Variants in ANO7 observed in about 807,000 individuals in gnomAD.
ANO7 encodes the protein anoctamin-7.
Under a neutral mutation model 115.8 loss-of-function variants are expected in ANO7, and 114 were observed. The ratio of observed to expected loss-of-function variants is 0.98; its 90% CI spans 0.85 to 1.15. The LOEUF (loss-of-function observed/expected upper bound fraction) is 1.15, where lower values mean the gene tolerates loss of function less well. Ranked by LOEUF, ANO7 falls within the 50% of genes most tolerant of loss-of-function variation. ANO7 has a pLI of 0.00. For synonymous variants in ANO7, 550 were observed against 498.2 expected (o/e 1.10, Z -1.38); for missense variants, 1,302 against 1,201.2 (o/e 1.08, Z -1.24).
intron 3 of ANO7, among the ~76,000 whole-genome samples, chr2:241,193,399 C>T (rs1360329973): frequency 6.6e-6 from 1 of 152,008 alleles, no homozygotes; most frequent in Non-Finnish European, 1.5e-5. Context: ...GTAGACAGCC[C>T]TTATTTTCTC....
the ANO7 span, chr2:241,240,180 G>GAAGAC: frequency 6.5e-7 from 1 of 1,529,462 alleles, no homozygotes; most frequent in East Asian, 2.2e-5. The surrounding 1 kb of genome is among the most constrained non-coding windows in gnomAD (Gnocchi z 5.5). Context: ...CCACAGTGAG[G>GAAGAC]AAGACAAGAG....
chr2:241,236,897 G>GAAGGACAGGAGTGGT, the ANO7 span: 2 of 861,882 alleles, frequency 2.3e-6, no homozygotes, highest in Non-Finnish European at 3.6e-6. Context: ...AACCACTCCT[G>GAAGGACAGGAGTGGT]TCCTTCAGGA....
Position 241,201,336 on chromosome 2 carries a change from G to A in ANO7, c.593G>A (p.Ser198Asn), listed in dbSNP as rs2068466994. 1 of 1,612,732 alleles carries A rather than the reference G, an allele frequency of 6.2e-7. No individual in the cohort carries two copies. Among genetic ancestry groups the A allele is most frequent in the African/African-American group, 1.3e-5 (1 of 75,002 alleles). ...GACAACCAGGACACCTTCTTCACAA[G>A]CACCAAGAGGCACCAAATTGTGAGT... is the stretch of plus-strand genomic sequence containing the variant. ...GSDNQDTFFT[S>N]TKRHQILFEI... Residue 198 changes from serine to asparagine, a missense_variant, in exon 7 of 25, where the codon AGC becomes AAC. Coordinates refer to ENST00000674324, the MANE Select transcript of ANO7 (RefSeq NM_001370694.2).
In ANO7 at chr2:241,188,946, G is replaced by C. The variant is rs898935651; in HGVS notation, c.-8+180G>C. Among the ~76,000 whole-genome samples the C allele has an allele frequency of 1.3e-5, 2 of 152,240 alleles. No homozygotes were observed. The highest frequency in any genetic ancestry group is 2.9e-5 in the Non-Finnish European group (2 of 68,032). Reference sequence around the variant, plus strand: ...GGGCACGAGGAGGGACACACACTCAGTGCGGCTCTGGACGGGGTACACCCA... The same window carrying C: ...GGGCACGAGGAGGGACACACACTCACTGCGGCTCTGGACGGGGTACACCCA... On this transcript the variant is annotated intron_variant, in intron 1 of 24. Coordinates refer to ENST00000674324, the MANE Select transcript of ANO7 (RefSeq NM_001370694.2). The surrounding 1 kb of genome is among the most constrained non-coding windows in gnomAD (Gnocchi z 4.3).
rs758369137 is a variant in ANO7, at chr2:241,209,389, G to A, written c.1182G>A (p.Leu394=). 4.4e-6 allele frequency: 7 copies of A among 1,584,056 alleles called. No homozygotes were observed. Among genetic ancestry groups the A allele is most frequent in the Non-Finnish European group, 2.6e-6 (3 of 1,165,744 alleles). The change falls in exon 12 of 25, where the codon CTG becomes CTA. Residue 394 remains leucine (L), a synonymous_variant. Transcript: ENST00000674324. ...ACTGGAAGCGGAAGAGCGCCACGCTGGCCTACCGCTGGGACTGCTCTGACT... is the reference window on the plus strand; with the variant it reads ...ACTGGAAGCGGAAGAGCGCCACGCTAGCCTACCGCTGGGACTGCTCTGACT... The part of the protein sequence containing the change: ...LEYWKRKSAT[L]AYRWDCSDYE...
intron 19 of ANO7, among the ~76,000 whole-genome samples, chr2:241,217,235 G>A (rs1296471177): frequency 6.6e-6 from 1 of 152,212 alleles, no homozygotes; most frequent in African/African-American, 2.4e-5. Context: ...AGTTCCCAGG[G>A]CGAGGAGTGG....
chr2:241,194,155 G>A (rs1336778179), intron 3 of ANO7, among the ~76,000 whole-genome samples: 13 of 150,164 alleles, frequency 8.7e-5, no homozygotes, highest in Admixed American at 8.0e-4. Context: ...GATTACAGGC[G>A]TGAGCCACCG....
intron 1 of ANO7, among the ~76,000 whole-genome samples, chr2:241,189,174 T>G (rs2068128218): frequency 6.6e-6 from 1 of 151,468 alleles, no homozygotes; most frequent in African/African-American, 2.4e-5. Context: ...CAGTCCGTAG[T>G]GAGGCTCCCA....
chr2:241,236,782 G>A, the ANO7 span: 4 of 1,613,086 alleles, frequency 2.5e-6, no homozygotes, highest in Admixed American at 3.3e-5. Context: ...AGAGAGAAAG[G>A]GGAAAAGGGA....
At chr2:241,229,763 C>G (rs1217532885), downstream of ANO7, 3 of 1,602,958 alleles carry the variant, frequency 1.9e-6, no homozygotes, top group Non-Finnish European at 2.6e-6. Flanking sequence ...AGTTGCCACC[C>G]TCAGGACACC....
rs1012034709 is a variant in ANO7 at position 241,203,599 on chromosome 2, G to A, written c.889+101G>A. ...CGTACCCCTGGAGGGCAGCGTGCGT[G>A]GGGGCCTGGACGGTGGGCGCAGCTC... On this transcript the variant is annotated intron_variant, in intron 9 of 24. Coordinates refer to ENST00000674324, the MANE Select transcript of ANO7 (RefSeq NM_001370694.2). The surrounding 1 kb of genome is among the most constrained non-coding windows in gnomAD (Gnocchi z 4.8). 11 of 901,488 alleles carry A rather than the reference G, an allele frequency of 1.2e-5. No individual in the cohort carries two copies. The highest frequency in any genetic ancestry group is 2.5e-4 in the Middle Eastern group (1 of 4,046). 55.8% of individuals were successfully genotyped at this position (901,488 alleles called of 1,614,324 possible). A position where few individuals can be genotyped will look rare whatever the true frequency, so the allele number is the denominator to read the frequency against.
At chr2:241,212,729 G>C in intron 17 of ANO7, 103 bp downstream of exon 17, 1 of 1,322,890 alleles carries the variant, frequency 7.6e-7, no homozygotes, top group Non-Finnish European at 1.0e-6. Flanking sequence ...TCCCACCACC[G>C]GCTATTTCCA....
downstream of ANO7, among the ~76,000 whole-genome samples, chr2:241,226,001 G>A (rs528169137): frequency 3.1e-4 from 47 of 152,224 alleles, no homozygotes; most frequent in Admixed American, 9.2e-4. Flanking sequence ...TTATTGAAAC[G>A]TACGAAAATG....
chr2:241,229,328 G>A (rs529747064), downstream of ANO7: 22 of 370,874 alleles, frequency 5.9e-5, no homozygotes, highest in African/African-American at 2.3e-4. Flanking sequence ...CTGACATGCC[G>A]GGTGGACCAG....
chr2:241,234,050 C>T, the ANO7 span: 20 of 1,457,642 alleles, frequency 1.4e-5, no homozygotes, highest in Non-Finnish European at 1.9e-5. Flanking sequence ...TCATAGGACA[C>T]TGGAGATGCT....
At position 241,210,567 on chromosome 2, in the gene ANO7, T is replaced by C. The variant is rs766599972; in HGVS notation, c.1558T>C (p.Trp520Arg). Reference sequence around the variant, plus strand: ...ATCCCTGGCCCACGTCCTGACACGATGGGGTGAGTGGGCTGAGGCCGGCCA... The same window carrying C: ...ATCCCTGGCCCACGTCCTGACACGACGGGGTGAGTGGGCTGAGGCCGGCCA... ...YVSLAHVLTR[W>R]EMHRTQTKFE... is the part of the protein sequence containing the mutation. Residue 520 changes from tryptophan (W) to arginine (R), a missense_variant, in exon 15 of 25, where the codon TGG (tryptophan) becomes CGG (arginine). By Grantham distance (101) the Trp-to-Arg change is moderately radical. Transcript: ENST00000674324. 2 of 1,613,224 alleles carry C rather than the reference T, an allele frequency of 1.2e-6. No homozygotes were observed. The highest frequency in any genetic ancestry group is 1.7e-6 in the Non-Finnish European group (2 of 1,179,818).
rs775518415 is a variant in ANO7 at position 241,207,604 on chromosome 2, C to T, written c.1011C>T (p.Phe337=). The change falls in exon 11 of 25, where the codon TTC becomes TTT. Residue 337 remains phenylalanine (F), a synonymous_variant. Coordinates refer to ENST00000674324, the MANE Select transcript of ANO7 (RefSeq NM_001370694.2). ...TQELCGSKDS[F]EMCPLCLDCP... is the part of the protein sequence containing the mutation. ...AACTGTGTGGCAGCAAGGACAGCTT[C>T]GAGATGTGCCCACTTTGCCTCGACT... 21 of 1,613,704 alleles carry T rather than the reference C, an allele frequency of 1.3e-5. No homozygotes were observed. Among genetic ancestry groups the T allele is most frequent in the South Asian group, 6.6e-5 (6 of 91,082 alleles).
chr2:241,219,652 A>G lies in ANO7; in HGVS notation c.2321+1271A>G, dbSNP rs1346711208. Among the ~76,000 whole-genome samples, 3 of 150,294 alleles carry G rather than the reference A, an allele frequency of 2.0e-5. No homozygotes were observed. The East Asian group carries it at 5.8e-4, about 29-fold the overall frequency. ...CCACAATTATAGCTCACTGCACCCT[A>G]GACTTCCTGGGCTCAAGCAATCCTC... On this transcript the variant is annotated intron_variant, in intron 21 of 24. Coordinates refer to ENST00000674324, the MANE Select transcript of ANO7 (RefSeq NM_001370694.2).
At chr2:241,201,771 T>TAG (rs2068478170) in intron 7 of ANO7, among the ~76,000 whole-genome samples, 2 of 152,192 alleles carry the variant, frequency 1.3e-5, no homozygotes, top group Non-Finnish European at 2.9e-5. Flanking sequence ...AGAGAGGCCC[T>TAG]GCTGACCACC....
Sources: gnomAD v4.1 joint callset for allele counts (sites outside exome capture counted in the v4.1 genomes callset) on GRCh38, gnomAD v4.1.1 for gene constraint, Gnocchi (gnomAD v3.1) non-coding constraint, MANE v1.5 for transcripts, NCBI Gene and HGNC (gene_info 2026-07-23, HGNC 2026-07-21) for gene names.